SDK2: variants seen among roughly 807,000 people sequenced by gnomAD.
The protein encoded by SDK2 is protein sidekick-2.
Under a neutral mutation model 253.9 loss-of-function variants are expected in SDK2, and 105 were observed. The observed-to-expected ratio is 0.41, with a 90% CI of 0.35 to 0.49. SDK2 has a LOEUF of 0.49. Ranked by LOEUF, SDK2 falls within the 20% of genes least tolerant of loss-of-function variation. The probability of loss-of-function intolerance (pLI) is 0.06; values close to 1 mark genes in which losing one functional copy is unlikely to be tolerated. For missense variants in SDK2, 2,608 were observed against 3,003.0 expected (o/e 0.87, Z 3.07); for synonymous variants, 1,249 against 1,234.9 (o/e 1.01, Z -0.24).
chr17:73,363,116 T>A (rs1382063739), intron 38 of SDK2, among the ~76,000 whole-genome samples: 1 of 152,182 alleles, frequency 6.6e-6, no homozygotes, highest in East Asian at 1.9e-4. Context: ...GGATTTTCAC[T>A]ATTGTTGCCC....
At chr17:73,448,717 A>G (rs141897778) in intron 4 of SDK2, among the ~76,000 whole-genome samples, 2,176 of 147,346 alleles carry the variant, frequency 0.015, 59 homozygotes, top group African/African-American at 0.052. Flanking sequence ...CTGAAGTGCA[A>G]TGGTACGATC....
intron 18 of SDK2, among the ~76,000 whole-genome samples, chr17:73,407,228 C>G (rs149817367): frequency 6.6e-6 from 1 of 152,116 alleles, no homozygotes; most frequent in African/African-American, 2.4e-5. Flanking sequence ...AAGAAATGGC[C>G]GATGCCTGGC....
chr17:73,513,461 G>A (rs2063997621), intron 1 of SDK2, among the ~76,000 whole-genome samples: 1 of 152,172 alleles, frequency 6.6e-6, no homozygotes. Context: ...TTCTGGGCTG[G>A]TGAATTTGTA....
At chr17:73,385,646 T>C (rs1203119623) in intron 32 of SDK2, among the ~76,000 whole-genome samples, 1 of 152,144 alleles carries the variant, frequency 6.6e-6, no homozygotes, top group Admixed American at 6.5e-5. Flanking sequence ...AGGCGTGTTA[T>C]GGGAGTGTGT....
At chr17:73,555,639 C>T (rs57316351) in intron 1 of SDK2, among the ~76,000 whole-genome samples, 20,612 of 152,122 alleles carry the variant, frequency 0.14, 1,612 homozygotes, top group African/African-American at 0.2. Context: ...CTCAATGTCC[C>T]GGAGCTCAAC....
At position 73,435,885 on chromosome 17, in the gene SDK2, A is replaced by G. The variant is rs2145620246; in HGVS notation, c.1001-241T>C. Among the ~76,000 whole-genome samples, 1 of 152,120 alleles carries G rather than the reference A, an allele frequency of 6.6e-6. No homozygotes were observed. The highest frequency in any genetic ancestry group is 2.1e-4 in the South Asian group (1 of 4,806). On this transcript the variant is annotated intron_variant, in intron 8 of 44. Coordinates refer to ENST00000392650, the MANE Select transcript of SDK2 (RefSeq NM_001144952.2). This position sits in a 1 kb window ranked among gnomAD's most constrained non-coding sequence, Gnocchi z 5.7. ...ATCCGGGAATCAGTTTAGCATGGAA[A>G]CTGGATTGGACAAACTAATTTATTT... is the stretch of plus-strand genomic sequence containing the variant.
At chr17:73,571,874 C>G (rs1055129135) in intron 1 of SDK2, among the ~76,000 whole-genome samples, 3 of 152,182 alleles carry the variant, frequency 2.0e-5, no homozygotes, top group South Asian at 2.1e-4. Flanking sequence ...ACAGGCAGAG[C>G]CCCAGGTGCC....
At chr17:73,585,079 A>C (rs1394077710) in intron 1 of SDK2, among the ~76,000 whole-genome samples, 2 of 152,168 alleles carry the variant, frequency 1.3e-5, no homozygotes, top group Non-Finnish European at 2.9e-5. Context: ...CCCAGCACAC[A>C]CAACAGTGCC....
At chr17:73,626,748 C>G (rs1203415568) in intron 1 of SDK2, among the ~76,000 whole-genome samples, 3 of 152,188 alleles carry the variant, frequency 2.0e-5, no homozygotes, top group Non-Finnish European at 4.4e-5. Flanking sequence ...TCTAGGAAGA[C>G]AGCGATGGAA....
chr17:73,342,553 A>C (rs892853478), intron 44 of SDK2, among the ~76,000 whole-genome samples: 2 of 152,178 alleles, frequency 1.3e-5, no homozygotes, highest in Admixed American at 1.3e-4. Flanking sequence ...GATGTCCCCC[A>C]GTTTTCCCTA....
chr17:73,537,441 G>A (rs759078671), intron 1 of SDK2, among the ~76,000 whole-genome samples: 28 of 152,132 alleles, frequency 1.8e-4, no homozygotes, highest in Non-Finnish European at 3.4e-4. Context: ...CAGCCCCCAT[G>A]CTTTTATCTC....
rs200185560 is a variant in SDK2 at position 73,431,613 on chromosome 17, A to G, written c.1369T>C (p.Ser457Pro). 1.8e-4 allele frequency: 298 copies of G among 1,612,762 alleles called. 1 individual carries two copies. Among genetic ancestry groups the G allele is most frequent in the Non-Finnish European group, 9.8e-5 (116 of 1,179,536 alleles). Reference sequence around the variant, plus strand: ...GTGGGGCTGATGAGGAGGCTGCCCGACTCCAGGGGTGTGAAGCGAGGCAGC... The same window carrying G: ...GTGGGGCTGATGAGGAGGCTGCCCGGCTCCAGGGGTGTGAAGCGAGGCAGC... ...VQLPRFTPLE[S>P]GSLLISPTHI... The change falls in exon 11 of 45, where the codon TCG becomes CCG. Residue 457 changes from serine to proline, a missense_variant. Physicochemically the swap from Ser to Pro is moderately conservative, Grantham distance 74. Transcript: ENST00000392650. This position sits in a 1 kb window ranked among gnomAD's most constrained non-coding sequence, Gnocchi z 5.6.
intron 1 of SDK2, chr17:73,518,606 AG>A (rs1296810001): frequency 1.3e-5 from 2 of 152,194 alleles, no homozygotes; most frequent in Non-Finnish European, 2.9e-5. Flanking sequence ...CAGTTAACAG[AG>A]GGGAAGGGAG....
intron 1 of SDK2, among the ~76,000 whole-genome samples, chr17:73,548,790 G>A (rs544450919): frequency 1.3e-5 from 2 of 152,352 alleles, no homozygotes; most frequent in East Asian, 1.9e-4. Flanking sequence ...GGCTCTGCAT[G>A]GTGGGGGGCC....
At position 73,447,349 on chromosome 17, in the gene SDK2, T is replaced by C. The variant is rs1370247242; in HGVS notation, c.613+266A>G. ...CTCCCTGGGTCCCTGGTAGCCCTGC[T>C]AACAGTTGTGCTAAGCATCCTCTCT... On this transcript the variant is annotated intron_variant, in intron 5 of 44. Coordinates refer to ENST00000392650, the MANE Select transcript of SDK2 (RefSeq NM_001144952.2). This position sits in a 1 kb window ranked among gnomAD's most constrained non-coding sequence, Gnocchi z 4.0. Among the ~76,000 whole-genome samples the C allele has an allele frequency of 6.6e-6, 1 of 152,068 alleles. No homozygotes were observed. The highest frequency in any genetic ancestry group is 1.5e-5 in the Non-Finnish European group (1 of 68,018).
At chr17:73,387,393 G>A (rs1025320562) in intron 30 of SDK2, among the ~76,000 whole-genome samples, 1 of 152,132 alleles carries the variant, frequency 6.6e-6, no homozygotes, top group African/African-American at 2.4e-5. Flanking sequence ...GGGAGAGGTG[G>A]GGAAGAAAGT....
rs952102813 is a variant in SDK2, at chr17:73,380,755, T to C, written c.4762+139A>G. 22 of 748,976 alleles carry C rather than the reference T, an allele frequency of 2.9e-5. No individual in the cohort carries two copies. In the Admixed American group the frequency reaches 4.6e-4, roughly 16 times the overall value. 46.4% of individuals were successfully genotyped at this position (748,976 alleles called of 1,614,324 possible). A position where few individuals can be genotyped will look rare whatever the true frequency, so the allele number is the denominator to read the frequency against. ...CGTGTGTTTAGGGTTATCACTTGTG[T>C]TCAGGGTAGTCCCGTTTCTTAAGCC... On this transcript the variant is annotated intron_variant, in intron 34 of 44. Coordinates refer to ENST00000392650, the MANE Select transcript of SDK2 (RefSeq NM_001144952.2).
intron 1 of SDK2, among the ~76,000 whole-genome samples, chr17:73,574,127 ACT>A (rs1356075952): frequency 6.6e-6 from 1 of 152,102 alleles, no homozygotes; most frequent in East Asian, 1.9e-4. Flanking sequence ...GCATTTCCTC[ACT>A]GTTTGCCCGA....
chr17:73,500,529 A>G (rs1208580268), intron 2 of SDK2, among the ~76,000 whole-genome samples: 2 of 109,262 alleles, frequency 1.8e-5, no homozygotes, highest in African/African-American at 7.4e-5. Flanking sequence ...TTCATCCTCC[A>G]TCCATCCCCC....
Sources: allele counts gnomAD v4.1 joint callset (sites outside exome capture counted in the v4.1 genomes callset), GRCh38; gene constraint gnomAD v4.1.1; non-coding constraint Gnocchi (gnomAD v3.1); transcripts MANE v1.5; gene names NCBI Gene and HGNC (gene_info 2026-07-23, HGNC 2026-07-21).